Variants in TBX15 observed in about 807,000 individuals in gnomAD.
TBX15 encodes T-box transcription factor TBX15.
Under a neutral mutation model 53.9 loss-of-function variants are expected in TBX15, and 18 were observed. The ratio of observed to expected loss-of-function variants is 0.33; its 90% CI spans 0.23 to 0.49. TBX15 has a LOEUF of 0.49. Among genes scored for constraint, TBX15 ranks in the 20% least tolerant of loss-of-function variants. The pLI is 0.98. For missense variants in TBX15, 692 were observed against 749.5 expected, an observed-to-expected ratio of 0.92 and a Z score of 0.90; for synonymous variants, 295 against 278.0, an observed-to-expected ratio of 1.06 and a Z score of -0.61.
At chr1:118,971,893 T>G (rs1657245450) in intron 1 of TBX15, among the ~76,000 whole-genome samples, 1 of 152,254 alleles carries the variant, frequency 6.6e-6, no homozygotes, top group Non-Finnish European at 1.5e-5. Flanking sequence ...ACCAGATTAC[T>G]GTCCTGTTGA....
chr1:118,978,771 A>G (rs1294902863), intron 1 of TBX15, among the ~76,000 whole-genome samples: 1 of 152,196 alleles, frequency 6.6e-6, no homozygotes, highest in Non-Finnish European at 1.5e-5. Context: ...GTTTGTTTAT[A>G]CCTTTAATTT....
intron 6 of TBX15, among the ~76,000 whole-genome samples, chr1:118,909,859 G>T (rs1654972523): frequency 6.6e-6 from 1 of 152,170 alleles, no homozygotes. Flanking sequence ...GGGATTACAG[G>T]CATGAGCCAC....
At chr1:118,894,253 G>C (rs1364837777) in intron 7 of TBX15, among the ~76,000 whole-genome samples, 1 of 152,128 alleles carries the variant, frequency 6.6e-6, no homozygotes, top group African/African-American at 2.4e-5. Context: ...CAATAATGAG[G>C]ATGATCATAG....
chr1:118,931,652 A>G lies in TBX15; in HGVS notation c.386T>C (p.Ile129Thr). The G allele has an allele frequency of 6.2e-7, 1 of 1,614,106 alleles. No homozygotes were observed. The highest frequency in any genetic ancestry group is 8.5e-7 in the Non-Finnish European group (1 of 1,179,970). Residue 129 changes from isoleucine (I) to threonine (T), a missense_variant, in exon 2 of 8, where the codon ATT becomes ACT. Physicochemically the swap from Ile to Thr is moderately conservative, Grantham distance 89. Coordinates refer to ENST00000369429, the MANE Select transcript of TBX15 (RefSeq NM_001330677.2). ...CADLWKRFHD[I>T]GTEMIITKAG... ...TTTGGTGATGATCATTTCAGTTCCA[A>G]TATCATGGAACCGCTTCCAGAGGTC...
chr1:118,951,400 T>C (rs1324842814), intron 1 of TBX15, among the ~76,000 whole-genome samples: 3 of 152,166 alleles, frequency 2.0e-5, no homozygotes, highest in Non-Finnish European at 4.4e-5. Flanking sequence ...AGATAACCTA[T>C]GCCACCCCTA....
At chr1:118,944,365 T>C (rs1656278616) in intron 1 of TBX15, among the ~76,000 whole-genome samples, 1 of 152,168 alleles carries the variant, frequency 6.6e-6, no homozygotes, top group African/African-American at 2.4e-5. Context: ...AGTGAACATG[T>C]TATTCTTAAC....
upstream of TBX15, among the ~76,000 whole-genome samples, chr1:118,988,504 T>C (rs1657923187): frequency 6.6e-6 from 1 of 152,094 alleles, no homozygotes; most frequent in Admixed American, 6.5e-5. Context: ...TGGGCCGACT[T>C]TAACCCCTGG....
intron 1 of TBX15, among the ~76,000 whole-genome samples, chr1:118,939,140 C>T (rs4659130): frequency 7.2e-5 from 11 of 152,082 alleles, no homozygotes; most frequent in Admixed American, 7.2e-4. Context: ...GGCCTAATGG[C>T]TCATGCCTAT....
At chr1:118,887,548 G>A (rs534083434) in intron 7 of TBX15, among the ~76,000 whole-genome samples, 68 of 152,094 alleles carry the variant, frequency 4.5e-4, no homozygotes, top group African/African-American at 1.3e-3. Context: ...GGTGGTGGGC[G>A]CCTGTAATAC....
intron 1 of TBX15, among the ~76,000 whole-genome samples, chr1:118,969,071 A>G (rs1354108557): frequency 6.6e-6 from 1 of 152,208 alleles, no homozygotes; most frequent in East Asian, 1.9e-4. Context: ...ATAAAAAGCA[A>G]CTGGCACAGC....
intron 5 of TBX15, among the ~76,000 whole-genome samples, chr1:118,917,399 T>C (rs1655274755): frequency 6.6e-6 from 1 of 151,920 alleles, no homozygotes; most frequent in Non-Finnish European, 1.5e-5. Flanking sequence ...AAGGGAACAA[T>C]ACACACTGAG....
At chr1:118,885,881 C>G (rs1653926590) in intron 7 of TBX15, among the ~76,000 whole-genome samples, 2 of 152,234 alleles carry the variant, frequency 1.3e-5, no homozygotes, top group Non-Finnish European at 2.9e-5. Flanking sequence ...AATAAGACCT[C>G]TGATGTCAGC....
chr1:118,905,741 AC>A (rs1176022812), intron 6 of TBX15, among the ~76,000 whole-genome samples: 1 of 152,234 alleles, frequency 6.6e-6, no homozygotes, highest in African/African-American at 2.4e-5. Context: ...GATTGGCTGG[AC>A]AAATATACCC....
chr1:118,922,358 C>T (rs545225005), intron 5 of TBX15, among the ~76,000 whole-genome samples: 1 of 152,164 alleles, frequency 6.6e-6, no homozygotes, highest in African/African-American at 2.4e-5. Flanking sequence ...GCAATCTATT[C>T]TTTAAAATTG....
At chr1:118,932,753 C>T (rs867058094) in intron 1 of TBX15, among the ~76,000 whole-genome samples, 10 of 152,006 alleles carry the variant, frequency 6.6e-5, no homozygotes, top group Non-Finnish European at 8.8e-5. Flanking sequence ...CAGATTTACC[C>T]GGGAAGATTT....
chr1:118,968,217 CT>C (rs938240548), intron 1 of TBX15, among the ~76,000 whole-genome samples: 8 of 151,914 alleles, frequency 5.3e-5, no homozygotes, highest in Admixed American at 1.3e-4. Context: ...AGGACTTTTT[CT>C]TTTTTTTCTA....
At chr1:118,916,840 T>C (rs1311639188) in intron 5 of TBX15, among the ~76,000 whole-genome samples, 1 of 151,852 alleles carries the variant, frequency 6.6e-6, no homozygotes, top group Non-Finnish European at 1.5e-5. Flanking sequence ...CACTCCAGCC[T>C]GGATGACAGA....
At chr1:118,924,544 G>A (rs1348791141) in intron 4 of TBX15, 102 bp downstream of exon 4, 1 of 1,381,836 alleles carries the variant, frequency 7.2e-7, no homozygotes, top group Non-Finnish European at 1.0e-6. Flanking sequence ...AAGTGGCATA[G>A]AGATTCCTTA....
chr1:118,966,052 G>A (rs1319124423), intron 1 of TBX15, among the ~76,000 whole-genome samples: 1 of 152,100 alleles, frequency 6.6e-6, no homozygotes, highest in Non-Finnish European at 1.5e-5. Flanking sequence ...TTTTTTAAAA[G>A]TATACAAATT....
Sources: gnomAD v4.1 joint callset for allele counts (sites outside exome capture counted in the v4.1 genomes callset) on GRCh38, gnomAD v4.1.1 for gene constraint, MANE v1.5 for transcripts, NCBI Gene and HGNC (gene_info 2026-07-23, HGNC 2026-07-21) for gene names.